MOV10L1: variants seen among roughly 807,000 people sequenced by gnomAD.
MOV10L1 encodes Mov10 like RNA helicase 1.
Under a neutral mutation model 143.8 loss-of-function variants are expected in MOV10L1, and 110 were observed. The ratio of observed to expected loss-of-function variants is 0.76; its 90% CI spans 0.66 to 0.90. The LOEUF is 0.90. Among genes scored for constraint, MOV10L1 ranks in the 40% least tolerant of loss-of-function variants. The probability of loss-of-function intolerance (pLI) is 0.00; values close to 1 mark genes in which losing one functional copy is unlikely to be tolerated. For synonymous variants in MOV10L1, 593 were observed against 581.1 expected, an observed-to-expected ratio of 1.02 and a Z score of -0.29; for missense variants, 1,406 against 1,526.8, an observed-to-expected ratio of 0.92 and a Z score of 1.32.
rs1408299925 is a variant in MOV10L1 at position 50,108,738 on chromosome 22, G to A, written c.637G>A (p.Asp213Asn). The A allele has an allele frequency of 6.2e-7, 1 of 1,614,208 alleles. No homozygotes were observed. The change falls in exon 5 of 27, where the codon GAT becomes AAT. Residue 213 changes from aspartate to asparagine, a missense_variant. This residue lies in a region of MOV10L1 where 1,233 missense variants were observed against 1,351.4 expected (regional missense o/e 0.91). Transcript: ENST00000262794. ...FFTLDSLKLP[D>N]GYTPRRGDVV... ...TACCTTGGACTCCTTGAAACTGCCA[G>A]ATGGGTACACACCCCGGAGAGGTGA... is the stretch of plus-strand genomic sequence containing the variant.
At chr22:50,160,927 C>G (rs77108308) in intron 25 of MOV10L1, 37 bp from the exon 26 acceptor site, 2 of 1,613,652 alleles carry the variant, frequency 1.2e-6, no homozygotes, top group South Asian at 1.1e-5. Flanking sequence ...GGGGCCTTCA[C>G]TTGCTCTCAC....
chr22:50,144,276 A>G, intron 18 of MOV10L1, 33 bp downstream of exon 18: 1 of 1,573,856 alleles, frequency 6.4e-7, no homozygotes, highest in Non-Finnish European at 8.7e-7. Flanking sequence ...GGGGGGCACC[A>G]GAACCCCTCC....
At chr22:50,146,772 T>C (rs1011074188) in intron 19 of MOV10L1, among the ~76,000 whole-genome samples, 5 of 152,176 alleles carry the variant, frequency 3.3e-5, no homozygotes, top group African/African-American at 1.2e-4. Flanking sequence ...CAGCCACGCC[T>C]ATCACAGCGT....
chr22:50,100,609 GTT>G (rs1389303330), intron 3 of MOV10L1, among the ~76,000 whole-genome samples: 1 of 151,966 alleles, frequency 6.6e-6, no homozygotes, highest in African/African-American at 2.4e-5. Flanking sequence ...CGCCTCCTGG[GTT>G]CAGGCGATTC....
intron 15 of MOV10L1, among the ~76,000 whole-genome samples, chr22:50,139,876 G>A (rs945708007): frequency 2.0e-5 from 3 of 152,214 alleles, no homozygotes; most frequent in African/African-American, 7.2e-5. Flanking sequence ...TGGTGAGCCC[G>A]TGGGGCCGCT....
chr22:50,152,945 C>A lies in MOV10L1; in HGVS notation c.2893-100C>A. ...CAGGAGCAGAGTCAGGCTTGGAAGTCAGGCAGGCCTCACGTTTGCTGTGCA... is the reference window on the plus strand; with the variant it reads ...CAGGAGCAGAGTCAGGCTTGGAAGTAAGGCAGGCCTCACGTTTGCTGTGCA... On this transcript the variant is annotated intron_variant, in intron 21 of 26. Transcript: ENST00000262794. The surrounding 1 kb of genome is among the most constrained non-coding windows in gnomAD (Gnocchi z 4.4). 8.0e-7 allele frequency: 1 copy of A among 1,244,748 alleles called. No homozygotes were observed. Among genetic ancestry groups the A allele is most frequent in the Non-Finnish European group, 1.1e-6 (1 of 891,096 alleles). The allele number at this position is 1,244,748 out of a possible 1,614,324, so 77.1% of individuals were successfully genotyped here.
At chr22:50,136,778 T>C (rs1042025294) in intron 15 of MOV10L1, among the ~76,000 whole-genome samples, 2 of 152,190 alleles carry the variant, frequency 1.3e-5, no homozygotes, top group Non-Finnish European at 2.9e-5. Flanking sequence ...CAGCTGAGCA[T>C]TGATCAGTGC....
At chr22:50,145,254 T>C (rs1426646329) in intron 18 of MOV10L1, among the ~76,000 whole-genome samples, 1 of 152,154 alleles carries the variant, frequency 6.6e-6, no homozygotes, top group Non-Finnish European at 1.5e-5. Flanking sequence ...AAATATTGCG[T>C]TTAAAAAAGA....
intron 1 of MOV10L1, chr22:50,090,757 A>C (rs1602092962): frequency 1.1e-5 from 5 of 471,094 alleles, no homozygotes; most frequent in South Asian, 4.9e-5. Context: ...GCTCACCGCA[A>C]CCTCCGCCTT....
At chr22:50,090,461 C>T in intron 1 of MOV10L1, 1 of 1,607,642 alleles carries the variant, frequency 6.2e-7, no homozygotes, top group Non-Finnish European at 8.5e-7. Context: ...CGAGCAGCTG[C>T]CAAGTCGTCT....
At chr22:50,116,125 G>A (rs918145524) in intron 8 of MOV10L1, among the ~76,000 whole-genome samples, 2 of 151,742 alleles carry the variant, frequency 1.3e-5, no homozygotes, top group African/African-American at 2.4e-5. Context: ...TTAAATCACA[G>A]CTCATCAACA....
At chr22:50,112,009 C>T (rs1488253932) in intron 5 of MOV10L1, among the ~76,000 whole-genome samples, 1 of 152,128 alleles carries the variant, frequency 6.6e-6, no homozygotes, top group Non-Finnish European at 1.5e-5. Context: ...CAGGGGTGTG[C>T]GGAGCAGTGC....
At chr22:50,155,594 G>C (rs572260625) in intron 22 of MOV10L1, among the ~76,000 whole-genome samples, 25 of 152,270 alleles carry the variant, frequency 1.6e-4, no homozygotes, top group African/African-American at 5.5e-4. Flanking sequence ...TCATGCTTCA[G>C]ACTCCCAAGG....
At chr22:50,117,023 C>G in intron 8 of MOV10L1, 134 bp from the exon 9 acceptor site, 6 of 829,596 alleles carry the variant, frequency 7.2e-6, no homozygotes, top group Non-Finnish European at 1.1e-5. Context: ...TCTCTTTTTT[C>G]TCTGTAAAAA....
intron 6 of MOV10L1, 152 bp from the exon 7 acceptor site, chr22:50,114,229 C>T: frequency 1.0e-6 from 1 of 986,460 alleles, no homozygotes; most frequent in African/African-American, 1.6e-5. Context: ...AAGATCTTTT[C>T]AAAATTTTTT....
chr22:50,101,346 G>T (rs1602134408), intron 3 of MOV10L1, among the ~76,000 whole-genome samples: 1 of 152,162 alleles, frequency 6.6e-6, no homozygotes, highest in South Asian at 2.1e-4. Context: ...CTCCTGAATA[G>T]CTGGGACTAC....
intron 13 of MOV10L1, among the ~76,000 whole-genome samples, chr22:50,129,402 C>T (rs1287961580): frequency 6.6e-6 from 1 of 152,146 alleles, no homozygotes; most frequent in African/African-American, 2.4e-5. Flanking sequence ...GAGTAACTTG[C>T]TGTATTTGGT....
chr22:50,129,219 A>G (rs1052396941), intron 13 of MOV10L1, among the ~76,000 whole-genome samples: 1 of 152,118 alleles, frequency 6.6e-6, no homozygotes, highest in African/African-American at 2.4e-5. Context: ...TCTTTGGTTC[A>G]TGCCTCACTG....
rs1389906183 is a variant in MOV10L1, at chr22:50,152,471, C to G, written c.2893-574C>G. ...ACCTGCCCTGAGTGAGCTTCCCGAG[C>G]AAGTTGGAGGCAGACAGTAAAGGTG... On this transcript the variant is annotated intron_variant, in intron 21 of 26. Coordinates refer to ENST00000262794, the MANE Select transcript of MOV10L1 (RefSeq NM_018995.3). This position sits in a 1 kb window ranked among gnomAD's most constrained non-coding sequence, Gnocchi z 4.4. 6.6e-6 allele frequency among the ~76,000 whole-genome samples: 1 copy of G among 152,162 alleles called. No individual in the cohort carries two copies. Among genetic ancestry groups the G allele is most frequent in the Non-Finnish European group, 1.5e-5 (1 of 68,018 alleles).
Sources: gnomAD v4.1 joint callset for allele counts (sites outside exome capture counted in the v4.1 genomes callset) on GRCh38, gnomAD v4.1.1 for gene constraint, gnomAD v4.1.1 regional missense constraint, Gnocchi (gnomAD v3.1) non-coding constraint, MANE v1.5 for transcripts, NCBI Gene and HGNC (gene_info 2026-07-23, HGNC 2026-07-21) for gene names.